The following ARHGAP44 variants were observed in gnomAD, a reference collection of about 807,000 sequenced individuals.
ARHGAP44 encodes the protein rho GTPase-activating protein 44.
Under a neutral mutation model 106.8 loss-of-function variants are expected in ARHGAP44, and 43 were observed. The observed-to-expected ratio is 0.40, with a 90% CI of 0.32 to 0.52. ARHGAP44 has a LOEUF of 0.52. Ranked by LOEUF, ARHGAP44 falls within the 20% of genes least tolerant of loss-of-function variation. The pLI is 0.48. For missense variants in ARHGAP44, 866 were observed against 1,050.5 expected, an observed-to-expected ratio of 0.82 and a Z score of 2.43; for synonymous variants, 439 against 410.3, an observed-to-expected ratio of 1.07 and a Z score of -0.85.
chr17:12,973,869 C>G, intron 17 of ARHGAP44: 1 of 586,912 alleles, frequency 1.7e-6, no homozygotes, highest in Non-Finnish European at 3.0e-6. Flanking sequence ...GTGAGGGGGC[C>G]GCTCTTGCCA....
chr17:12,977,279 G>C (rs1336953127), intron 18 of ARHGAP44, among the ~76,000 whole-genome samples: 1 of 152,120 alleles, frequency 6.6e-6, no homozygotes, highest in African/African-American at 2.4e-5. Flanking sequence ...AGTACAAACA[G>C]GTGTTCCATT....
intron 17 of ARHGAP44, 61 bp downstream of exon 17, chr17:12,973,380 C>T: frequency 6.4e-7 from 1 of 1,551,344 alleles, no homozygotes. Flanking sequence ...GCCACCTATG[C>T]ATCGTAGTGA....
intron 9 of ARHGAP44, 55 bp downstream of exon 9, chr17:12,943,724 C>A: frequency 6.5e-7 from 1 of 1,544,394 alleles, no homozygotes; most frequent in Admixed American, 1.7e-5. Flanking sequence ...CTTGCCTTCC[C>A]GGATGAGATG....
chr17:12,789,695 C>A lies in ARHGAP44; in HGVS notation c.-144C>A. ...GCGGCGCCCTCGGGAGGGAGCTGCG[C>A]GCGGGCCAGACGGCGCCCGGAGGCT... On this transcript the variant is annotated 5_prime_UTR_variant, in exon 1 of 21. Coordinates refer to ENST00000379672, the MANE Select transcript of ARHGAP44 (RefSeq NM_014859.6). 1 of 585,034 alleles carries A rather than the reference C, an allele frequency of 1.7e-6. No individual in the cohort carries two copies. Among genetic ancestry groups the A allele is most frequent in the Non-Finnish European group, 2.5e-6 (1 of 394,402 alleles). The allele number at this position is 585,034 out of a possible 1,614,324, so 36.2% of individuals were successfully genotyped here. A position where few individuals can be genotyped will look rare whatever the true frequency, so the allele number is the denominator to read the frequency against.
intron 4 of ARHGAP44, among the ~76,000 whole-genome samples, chr17:12,915,327 T>G (rs1348530264): frequency 6.6e-6 from 1 of 152,212 alleles, no homozygotes; most frequent in East Asian, 1.9e-4. Context: ...TGTGTACAAT[T>G]TGGGTAGAAT....
At chr17:12,988,332 C>T (rs1460766848) in intron 20 of ARHGAP44, 4 of 152,364 alleles carry the variant, frequency 2.6e-5, no homozygotes, top group Admixed American at 6.5e-5. Flanking sequence ...CTCTTCCTGC[C>T]TGACATATTT....
intron 7 of ARHGAP44, among the ~76,000 whole-genome samples, chr17:12,939,291 C>T (rs931379270): frequency 2.0e-5 from 3 of 151,916 alleles, no homozygotes; most frequent in African/African-American, 7.3e-5. Context: ...TGTGGCGCCC[C>T]TACTGTGCTA....
intron 18 of ARHGAP44, among the ~76,000 whole-genome samples, chr17:12,977,866 C>T (rs35720696): frequency 0.41 from 61,885 of 151,516 alleles, 13,140 homozygotes; most frequent in Non-Finnish European, 0.47. Flanking sequence ...GGTGAAACCC[C>T]GTCTGTACTA....
At chr17:12,898,039 G>A (rs1336925093) in intron 3 of ARHGAP44, among the ~76,000 whole-genome samples, 2 of 152,086 alleles carry the variant, frequency 1.3e-5, no homozygotes, top group Non-Finnish European at 1.5e-5. Context: ...TGATTGCCAA[G>A]GAGAGATAAT....
At chr17:12,829,170 AACTACCT>A (rs1178429764) in intron 1 of ARHGAP44, among the ~76,000 whole-genome samples, 6 of 152,118 alleles carry the variant, frequency 3.9e-5, no homozygotes, top group Non-Finnish European at 8.8e-5. Flanking sequence ...GGGGGGTCCA[AACTACCT>A]GTTCTTCCTA....
intron 17 of ARHGAP44, chr17:12,973,829 G>A: frequency 1.8e-6 from 1 of 570,076 alleles, no homozygotes; most frequent in Non-Finnish European, 3.1e-6. Flanking sequence ...GGCCGCCAGC[G>A]CTGCCGACTG....
intron 20 of ARHGAP44, among the ~76,000 whole-genome samples, chr17:12,989,688 T>G (rs1336280001): frequency 1.3e-5 from 2 of 152,126 alleles, no homozygotes; most frequent in Non-Finnish European, 2.9e-5. Flanking sequence ...TGCAGTCGTC[T>G]GATATAGATC....
At position 12,880,131 on chromosome 17, in the gene ARHGAP44, TG is replaced by T. The variant is rs200425958; in HGVS notation, c.54-14808del. Among the ~76,000 whole-genome samples, 395 of 152,274 alleles carry T rather than the reference TG, an allele frequency of 2.6e-3. 10 individuals carry two copies. In the East Asian group the frequency reaches 0.044, roughly 17 times the overall value. On this transcript the variant is annotated intron_variant, in intron 1 of 20. Transcript: ENST00000379672. ...CTAATGAACATTTTGTTTTTCATCT[TG>T]TAGGAATCATTTATGTAATATGCTT...
intron 10 of ARHGAP44, among the ~76,000 whole-genome samples, chr17:12,947,643 C>T (rs1359445842): frequency 6.6e-6 from 1 of 152,186 alleles, no homozygotes; most frequent in East Asian, 1.9e-4. Context: ...TTATGCTTTG[C>T]TCAGTTACAC....
At chr17:12,859,560 TG>T (rs1309901979) in intron 1 of ARHGAP44, among the ~76,000 whole-genome samples, 4 of 152,238 alleles carry the variant, frequency 2.6e-5, no homozygotes, top group Non-Finnish European at 5.9e-5. Flanking sequence ...GCCTAAAGAT[TG>T]TTTCCTGACT....
intron 1 of ARHGAP44, among the ~76,000 whole-genome samples, chr17:12,851,011 T>C (rs1042022409): frequency 1.3e-5 from 2 of 152,212 alleles, no homozygotes; most frequent in African/African-American, 4.8e-5. Context: ...GCTGTCCTCA[T>C]TGGTAAAATG....
Position 12,926,525 on chromosome 17 carries a change from T to A in ARHGAP44, c.465-2404T>A, listed in dbSNP as rs536335540. 6.3e-4 allele frequency among the ~76,000 whole-genome samples: 91 copies of A among 145,454 alleles called. 1 individual carries two copies. In the South Asian group the frequency reaches 0.019, roughly 30 times the overall value. Reference sequence around the variant, plus strand: ...TATATATATTATATATGCATATATATTATACATACATATATATTATATATA... The same window carrying A: ...TATATATATTATATATGCATATATAATATACATACATATATATTATATATA... On this transcript the variant is annotated intron_variant, in intron 6 of 20. Coordinates refer to ENST00000379672, the MANE Select transcript of ARHGAP44 (RefSeq NM_014859.6).
intron 1 of ARHGAP44, among the ~76,000 whole-genome samples, chr17:12,866,345 G>A (rs2036239514): frequency 6.6e-6 from 1 of 152,140 alleles, no homozygotes; most frequent in African/African-American, 2.4e-5. Flanking sequence ...GACCCTAAAT[G>A]AATTGAGGTT....
chr17:12,812,593 G>C (rs2034472051), intron 1 of ARHGAP44, among the ~76,000 whole-genome samples: 1 of 152,176 alleles, frequency 6.6e-6, no homozygotes, highest in Non-Finnish European at 1.5e-5. Flanking sequence ...CAGGGGAACA[G>C]AGCAAGATGC....
Sources: gnomAD v4.1 joint callset for allele counts (sites outside exome capture counted in the v4.1 genomes callset) on GRCh38, gnomAD v4.1.1 for gene constraint, MANE v1.5 for transcripts, NCBI Gene and HGNC (gene_info 2026-07-23, HGNC 2026-07-21) for gene names.